Variants in NWD2 observed in about 807,000 individuals in gnomAD.
NWD2 encodes the protein NACHT and WD repeat domain-containing protein 2.
In NWD2, 37 loss-of-function variants were observed where a neutral mutation model predicts 132.7. The observed-to-expected ratio is 0.28, with a 90% CI of 0.21 to 0.37. The LOEUF is 0.37. NWD2 is among the 10% of genes least tolerant of loss of function. The pLI is 1.00. For synonymous variants in NWD2, 705 were observed against 803.0 expected (o/e 0.88, Z 2.06); for missense variants, 1,592 against 2,122.4 (o/e 0.75, Z 4.91).
At chr4:37,246,464 G>C (rs368774091) in intron 1 of NWD2, among the ~76,000 whole-genome samples, 40 of 152,270 alleles carry the variant, frequency 2.6e-4, no homozygotes, top group African/African-American at 9.6e-4. Flanking sequence ...CGGCACGACT[G>C]TCCTTTTATC....
chr4:37,276,875 A>G (rs965759687), intron 1 of NWD2, among the ~76,000 whole-genome samples: 4 of 152,082 alleles, frequency 2.6e-5, no homozygotes, highest in Non-Finnish European at 4.4e-5. Flanking sequence ...TCAGCAAACT[A>G]TCTCAAGGAC....
intron 1 of NWD2, among the ~76,000 whole-genome samples, chr4:37,270,874 T>A (rs1452164231): frequency 1.3e-5 from 2 of 151,922 alleles, no homozygotes; most frequent in African/African-American, 4.8e-5. Context: ...CTAGAAACTA[T>A]ATAACTTTAG....
chr4:37,377,879 A>G (rs1720375546), intron 3 of NWD2, among the ~76,000 whole-genome samples: 1 of 152,204 alleles, frequency 6.6e-6, no homozygotes, highest in Admixed American at 6.5e-5. Flanking sequence ...ACTTAAAATA[A>G]CTTTAAAACA....
At chr4:37,315,904 C>T (rs1718947049) in intron 1 of NWD2, among the ~76,000 whole-genome samples, 2 of 151,930 alleles carry the variant, frequency 1.3e-5, no homozygotes, top group African/African-American at 4.8e-5. Flanking sequence ...TAGATGAATA[C>T]TAACTTAATT....
intron 1 of NWD2, among the ~76,000 whole-genome samples, chr4:37,277,353 T>C (rs114647259): frequency 1.1e-3 from 162 of 152,214 alleles, no homozygotes; most frequent in African/African-American, 3.7e-3. Flanking sequence ...TTCTTCAAAA[T>C]ATTTTCTATC....
At chr4:37,304,919 A>G (rs1371706059) in intron 1 of NWD2, among the ~76,000 whole-genome samples, 2 of 152,128 alleles carry the variant, frequency 1.3e-5, no homozygotes, top group East Asian at 3.9e-4. Context: ...CGGGGGCTTC[A>G]ATACCACACT....
At chr4:37,322,801 G>A (rs1719095338) in intron 1 of NWD2, among the ~76,000 whole-genome samples, 1 of 152,166 alleles carries the variant, frequency 6.6e-6, no homozygotes. Flanking sequence ...GGTAGAATGA[G>A]AGAACTTATT....
At position 37,405,463 on chromosome 4, in the gene NWD2, A is replaced by ATAGAC. The variant is rs1331814884; in HGVS notation, c.358-25105_358-25104insCTAGA. Among the ~76,000 whole-genome samples the ATAGAC allele has an allele frequency of 8.3e-5, 11 of 133,114 alleles. 1 individual carries two copies. In the Admixed American group the frequency reaches 9.8e-4, roughly 12 times the overall value. 87.3% of individuals were successfully genotyped at this position (133,114 alleles called of 152,430 possible). On this transcript the variant is annotated intron_variant, in intron 3 of 6. Transcript: ENST00000309447. ...ATAGAATAGAATAGAATAGAATAGA[A>ATAGAC]TAGAATAGAATAGAATAGAATAGAA...
At chr4:37,263,760 A>G (rs1717696262) in intron 1 of NWD2, among the ~76,000 whole-genome samples, 1 of 152,192 alleles carries the variant, frequency 6.6e-6, no homozygotes, top group Non-Finnish European at 1.5e-5. Context: ...AAATTTTAAC[A>G]GAAATTATTG....
chr4:37,309,005 G>C (rs1383308944), intron 1 of NWD2, among the ~76,000 whole-genome samples: 5 of 152,220 alleles, frequency 3.3e-5, no homozygotes. Flanking sequence ...ACAGTCCTCA[G>C]GCCCTCAGAT....
At chr4:37,410,420 G>A (rs1466392064) in intron 3 of NWD2, among the ~76,000 whole-genome samples, 2 of 152,178 alleles carry the variant, frequency 1.3e-5, no homozygotes, top group African/African-American at 4.8e-5. Context: ...TTACATAATG[G>A]TAAAGGGATC....
chr4:37,283,138 C>T (rs752200553), intron 1 of NWD2, among the ~76,000 whole-genome samples: 2 of 152,140 alleles, frequency 1.3e-5, no homozygotes, highest in Non-Finnish European at 2.9e-5. Flanking sequence ...CTGAACTCAC[C>T]TTAAATCCAG....
At chr4:37,336,607 A>AAT (rs1719410373) in intron 2 of NWD2, among the ~76,000 whole-genome samples, 1 of 152,198 alleles carries the variant, frequency 6.6e-6, no homozygotes, top group Non-Finnish European at 1.5e-5. Context: ...TATGTGTAAA[A>AAT]ATATATATAA....
At chr4:37,281,261 T>A (rs1336568292) in intron 1 of NWD2, among the ~76,000 whole-genome samples, 1 of 152,148 alleles carries the variant, frequency 6.6e-6, no homozygotes, top group African/African-American at 2.4e-5. Flanking sequence ...CCAGTGGGTG[T>A]CCTCGTGTGA....
chr4:37,347,030 A>G (rs1427171088), intron 2 of NWD2, among the ~76,000 whole-genome samples: 1 of 151,914 alleles, frequency 6.6e-6, no homozygotes, highest in Non-Finnish European at 1.5e-5. Context: ...CTTTATTTTC[A>G]TTCATCTCAA....
intron 3 of NWD2, among the ~76,000 whole-genome samples, chr4:37,358,017 G>A (rs1020046000): frequency 5.3e-5 from 8 of 152,122 alleles, no homozygotes; most frequent in Non-Finnish European, 1.0e-4. Flanking sequence ...GGGATATGGG[G>A]AACGTATCAT....
chr4:37,401,352 T>C (rs913139699), intron 3 of NWD2, among the ~76,000 whole-genome samples: 6 of 149,958 alleles, frequency 4.0e-5, no homozygotes, highest in Non-Finnish European at 7.4e-5. Context: ...TCTCCAGAGA[T>C]ACCACCTTGA....
rs1472911351 is a variant in NWD2 at position 37,444,000 on chromosome 4, G to A, written c.2012G>A (p.Gly671Asp). ...ALGYITMAKM[G>D]LSEMELEDVL... ...GGTTACATCACCATGGCCAAAATGGGTCTGAGTGAAATGGAACTGGAGGAT... is the reference window on the plus strand; with the variant it reads ...GGTTACATCACCATGGCCAAAATGGATCTGAGTGAAATGGAACTGGAGGAT... Residue 671 changes from glycine to aspartate, a missense_variant, in exon 7 of 7, where the codon GGT (glycine) becomes GAT (aspartate). Coordinates refer to ENST00000309447, the MANE Select transcript of NWD2 (RefSeq NM_001144990.2). This position sits in a 1 kb window ranked among gnomAD's most constrained non-coding sequence, Gnocchi z 4.1. 6.4e-7 allele frequency: 1 copy of A among 1,552,260 alleles called. No homozygotes were observed. Among genetic ancestry groups the A allele is most frequent in the East Asian group, 2.4e-5 (1 of 40,922 alleles).
Position 37,426,571 on chromosome 4 carries a change from A to G in NWD2, c.358-4001A>G, listed in dbSNP as rs866413646. Among the ~76,000 whole-genome samples the G allele has an allele frequency of 4.6e-5, 7 of 152,246 alleles. 1 individual carries two copies. Among genetic ancestry groups the G allele is most frequent in the Middle Eastern group, 6.8e-3 (2 of 294 alleles). On this transcript the variant is annotated intron_variant, in intron 3 of 6. Coordinates refer to ENST00000309447, the MANE Select transcript of NWD2 (RefSeq NM_001144990.2). Reference sequence around the variant, plus strand: ...AATTATTATTTTTAAATAGCTCTTGATTTTTGAAATGATCCTCTGTGGTCC... The same window carrying G: ...AATTATTATTTTTAAATAGCTCTTGGTTTTTGAAATGATCCTCTGTGGTCC...
Sources: gnomAD v4.1 joint callset for allele counts (sites outside exome capture counted in the v4.1 genomes callset) on GRCh38, gnomAD v4.1.1 for gene constraint, Gnocchi (gnomAD v3.1) non-coding constraint, MANE v1.5 for transcripts, NCBI Gene and HGNC (gene_info 2026-07-23, HGNC 2026-07-21) for gene names.